Variants in PCDHGA10 observed in about 807,000 individuals in gnomAD.
PCDHGA10 encodes the protein protocadherin gamma subfamily A, 10.
PCDHGA10 carries 42 observed loss-of-function variants against 59.5 expected under a neutral mutation model. That is an observed-to-expected ratio of 0.71 (90% confidence interval 0.55 to 0.91). The LOEUF (loss-of-function observed/expected upper bound fraction) is 0.91, where lower values mean the gene tolerates loss of function less well. Ranked by LOEUF, PCDHGA10 falls within the 40% of genes least tolerant of loss-of-function variation. The pLI is 0.00. For synonymous variants in PCDHGA10, 511 were observed against 517.2 expected (o/e 0.99, Z 0.16); for missense variants, 1,111 against 1,198.2 (o/e 0.93, Z 1.07).
At chr5:141,442,708 A>C (rs2098338740) in intron 1 of PCDHGA10, among the ~76,000 whole-genome samples, 2 of 152,254 alleles carry the variant, frequency 1.3e-5, no homozygotes, top group Non-Finnish European at 2.9e-5. Context: ...AGTATCAGAC[A>C]TGCCAGAGCA....
chr5:141,420,018 G>T, intron 1 of PCDHGA10: 2 of 1,614,066 alleles, frequency 1.2e-6, no homozygotes, highest in African/African-American at 2.7e-5. Flanking sequence ...CAGTCTTTCA[G>T]CCCTACTGCA....
At chr5:141,468,697 T>A (rs2099174099) in intron 1 of PCDHGA10, 1 of 151,646 alleles carries the variant, frequency 6.6e-6, no homozygotes, top group Non-Finnish European at 1.5e-5. Context: ...AAACCCCGTC[T>A]CTACTAAAAA....
chr5:141,466,669 C>T lies in PCDHGA10; in HGVS notation c.2437-28138C>T, dbSNP rs529252130. The stretch of plus-strand genomic sequence containing the variant: ...TTTCACAAAACATCAGTGATTTCAC[C>T]GTTCTTCCACTCAAGCTTCATCATA... On this transcript the variant is annotated intron_variant, in intron 1 of 3. Transcript: ENST00000398610. Among the ~76,000 whole-genome samples the T allele has an allele frequency of 8.5e-5, 13 of 152,278 alleles. No homozygotes were observed. The East Asian group carries it at 9.6e-4, about 11-fold the overall frequency.
At chr5:141,421,781 G>A (rs1482347889) in intron 1 of PCDHGA10, 1 of 1,613,856 alleles carries the variant, frequency 6.2e-7, no homozygotes, top group Non-Finnish European at 8.5e-7. Context: ...CAACTGCGGG[G>A]CAGAACGGAT....
chr5:141,449,645 A>G (rs1331667429), intron 1 of PCDHGA10, among the ~76,000 whole-genome samples: 1 of 151,128 alleles, frequency 6.6e-6, no homozygotes, highest in African/African-American at 2.4e-5. Context: ...CTATATATAC[A>G]TATTTACATA....
At chr5:141,423,882 C>T in intron 1 of PCDHGA10, 3 of 1,282,372 alleles carry the variant, frequency 2.3e-6, no homozygotes, top group Non-Finnish European at 3.0e-6. Context: ...TCAATCTTGG[C>T]ATATTTTCTT....
At chr5:141,456,020 C>A (rs2098840631) in intron 1 of PCDHGA10, among the ~76,000 whole-genome samples, 2 of 151,952 alleles carry the variant, frequency 1.3e-5, no homozygotes, top group South Asian at 4.2e-4. Flanking sequence ...GCCTCAGCCT[C>A]CCGAGTAGCT....
At chr5:141,450,898 C>T (rs929869116) in intron 1 of PCDHGA10, among the ~76,000 whole-genome samples, 12 of 150,412 alleles carry the variant, frequency 8.0e-5, no homozygotes, top group African/African-American at 2.9e-4. Context: ...GATATCGGCT[C>T]ACTGCAACCG....
chr5:141,485,177 C>T lies in PCDHGA10; in HGVS notation c.2437-9630C>T. ...AGAGAATTAGCGGGCGGCAGCAATG[C>T]TCCGCAAGGTGAGAAGCTGGACAGA... On this transcript the variant is annotated intron_variant, in intron 1 of 3. Coordinates refer to ENST00000398610, the MANE Select transcript of PCDHGA10 (RefSeq NM_018913.3). This position sits in a 1 kb window ranked among gnomAD's most constrained non-coding sequence, Gnocchi z 5.7. 1 of 1,612,024 alleles carries T rather than the reference C, an allele frequency of 6.2e-7. No homozygotes were observed. Among genetic ancestry groups the T allele is most frequent in the South Asian group, 1.1e-5 (1 of 90,956 alleles).
At position 141,413,489 on chromosome 5, in the gene PCDHGA10, G is replaced by A. The variant is rs937434384; in HGVS notation, c.314G>A (p.Arg105Gln). Residue 105 changes from arginine (R) to glutamine (Q), a missense_variant, in exon 1 of 4, where the codon CGG (arginine) becomes CAG (glutamine). Coordinates refer to ENST00000398610, the MANE Select transcript of PCDHGA10 (RefSeq NM_018913.3). ...GAGGAGCTCTGCGCTCAGAGCGCGC[G>A]GTGCGTGGTGAGTTTTAATATCCTT... is the stretch of plus-strand genomic sequence containing the variant. ...DREELCAQSA[R>Q]CVVSFNILVE... The A allele has an allele frequency of 1.9e-6, 3 of 1,614,036 alleles. No homozygotes were observed. Among genetic ancestry groups the A allele is most frequent in the Admixed American group, 1.7e-5 (1 of 60,036 alleles).
chr5:141,507,101 T>C (rs1341285140), intron 3 of PCDHGA10: 2 of 152,204 alleles, frequency 1.3e-5, no homozygotes, highest in African/African-American at 2.4e-5. Flanking sequence ...CTTTCTACTA[T>C]AGGGACCATG....
chr5:141,497,060 G>A (rs1244885752), intron 2 of PCDHGA10, among the ~76,000 whole-genome samples: 1 of 151,952 alleles, frequency 6.6e-6, no homozygotes, highest in African/African-American at 2.4e-5. Context: ...GTGGTGGCAG[G>A]CACCTGTAAT....
rs1562157859 is a variant in PCDHGA10 at position 141,493,022 on chromosome 5, G to GTGCC, written c.2437-1784_2437-1781dup. Among the ~76,000 whole-genome samples, 2 of 152,222 alleles carry GTGCC rather than the reference G, an allele frequency of 1.3e-5. No homozygotes were observed. Among genetic ancestry groups the GTGCC allele is most frequent in the African/African-American group, 4.8e-5 (2 of 41,454 alleles). ...GCTATAGGCTCTGCCAGATGCCAGG[G>GTGCC]TGCCCTTATGTGTGAGGAAACTACA... On this transcript the variant is annotated intron_variant, in intron 1 of 3. Coordinates refer to ENST00000398610, the MANE Select transcript of PCDHGA10 (RefSeq NM_018913.3). The surrounding 1 kb of genome is among the most constrained non-coding windows in gnomAD (Gnocchi z 4.3).
At chr5:141,457,719 G>T (rs1437841051) in intron 1 of PCDHGA10, among the ~76,000 whole-genome samples, 1 of 152,226 alleles carries the variant, frequency 6.6e-6, no homozygotes, top group Non-Finnish European at 1.5e-5. Context: ...GTTCCACAAG[G>T]AATTTCAGAT....
rs1441791773 is a variant in PCDHGA10, at chr5:141,486,038, G to A, written c.2437-8769G>A. The A allele has an allele frequency of 1.9e-6, 3 of 1,614,066 alleles. No individual in the cohort carries two copies. The highest frequency in any genetic ancestry group is 1.1e-5 in the South Asian group (1 of 91,088). On this transcript the variant is annotated intron_variant, in intron 1 of 3. Coordinates refer to ENST00000398610, the MANE Select transcript of PCDHGA10 (RefSeq NM_018913.3). The surrounding 1 kb of genome is among the most constrained non-coding windows in gnomAD (Gnocchi z 5.0). ...TTTCAGTGGTCATACCCCTGATCGT[G>A]TAAGAAACCTCTTTAGCCTGCACCC...
intron 1 of PCDHGA10, among the ~76,000 whole-genome samples, chr5:141,437,614 A>G (rs113599071): frequency 3.1e-4 from 47 of 152,242 alleles, no homozygotes; most frequent in Non-Finnish European, 5.1e-4. Flanking sequence ...AATCTGCTTT[A>G]TCCCCATATA....
chr5:141,482,530 C>CA (rs3074545), intron 1 of PCDHGA10, among the ~76,000 whole-genome samples: 3,839 of 76,186 alleles, frequency 0.05, 137 homozygotes, highest in East Asian at 0.1. Context: ...GACAGACATG[C>CA]AAAAAAAAAA....
rs760017836 is a variant in PCDHGA10, at chr5:141,432,060, C to G, written c.2436+16449C>G. 1.2e-6 allele frequency: 2 copies of G among 1,614,200 alleles called. No homozygotes were observed. The highest frequency in any genetic ancestry group is 1.7e-6 in the Non-Finnish European group (2 of 1,180,048). ...GACCGGGGAACCCCGCCCCTATCCACGGAAACTCATATCTCGCTGAACGTG... is the reference window on the plus strand; with the variant it reads ...GACCGGGGAACCCCGCCCCTATCCAGGGAAACTCATATCTCGCTGAACGTG... On this transcript the variant is annotated intron_variant, in intron 1 of 3. Coordinates refer to ENST00000398610, the MANE Select transcript of PCDHGA10 (RefSeq NM_018913.3). The surrounding 1 kb of genome is among the most constrained non-coding windows in gnomAD (Gnocchi z 6.0).
chr5:141,432,088 AGACACCAAC>A lies in PCDHGA10; in HGVS notation c.2436+16482_2436+16490del, dbSNP rs1561857611. 6.2e-7 allele frequency: 1 copy of A among 1,614,148 alleles called. No individual in the cohort carries two copies. Among genetic ancestry groups the A allele is most frequent in the Admixed American group, 1.7e-5 (1 of 60,024 alleles). ...AAACTCATATCTCGCTGAACGTGGC[AGACACCAAC>A]GACAACCCGCCGGTCTTCCCTCAGG... is the stretch of plus-strand genomic sequence containing the variant. On this transcript the variant is annotated intron_variant, in intron 1 of 3. Transcript: ENST00000398610. This position sits in a 1 kb window ranked among gnomAD's most constrained non-coding sequence, Gnocchi z 6.0.
Sources: gnomAD v4.1 joint callset for allele counts (sites outside exome capture counted in the v4.1 genomes callset) on GRCh38, gnomAD v4.1.1 for gene constraint, Gnocchi (gnomAD v3.1) non-coding constraint, MANE v1.5 for transcripts, NCBI Gene and HGNC (gene_info 2026-07-23, HGNC 2026-07-21) for gene names.